The following ERBB2 variants were observed in gnomAD, a reference collection of about 807,000 sequenced individuals.
ERBB2 encodes receptor tyrosine-protein kinase erbB-2.
ERBB2 carries 61 observed loss-of-function variants against 149.0 expected under a neutral mutation model. The observed-to-expected ratio is 0.41, with a 90% CI of 0.33 to 0.51. ERBB2 has a LOEUF of 0.51. ERBB2 is among the 20% of genes least tolerant of loss of function. The pLI is 0.25. For synonymous variants in ERBB2, 633 were observed against 678.8 expected, an observed-to-expected ratio of 0.93 and a Z score of 1.05; for missense variants, 1,205 against 1,655.1, an observed-to-expected ratio of 0.73 and a Z score of 4.72.
At chr17:39,716,805 G>C (rs754180208) in intron 14 of ERBB2, among the ~76,000 whole-genome samples, 200 bp downstream of exon 14, 13 of 152,152 alleles carry the variant, frequency 8.5e-5, no homozygotes, top group Non-Finnish European at 1.5e-4. Context: ...ACTATGAAAA[G>C]GTTCTAAGGA....
upstream of ERBB2, among the ~76,000 whole-genome samples, chr17:39,695,859 G>A (rs1047509549): frequency 3.3e-5 from 5 of 152,038 alleles, no homozygotes; most frequent in African/African-American, 1.2e-4. Context: ...GGTCACCCTC[G>A]GAAGCTAGAG....
At chr17:39,707,371 T>A (rs1173957442) in intron 2 of ERBB2, 8 of 418,374 alleles carry the variant, frequency 1.9e-5, no homozygotes, top group Middle Eastern at 6.2e-4. Flanking sequence ...GATGCGTCTG[T>A]GTTTCCGCTA....
chr17:39,725,498 A>G lies in ERBB2; in HGVS notation c.2725+96A>G. On this transcript the variant is annotated intron_variant, in intron 22 of 26. Transcript: ENST00000269571. This position sits in a 1 kb window ranked among gnomAD's most constrained non-coding sequence, Gnocchi z 4.6. ...GGGAGAATTACGGGGCCACCTCAGC[A>G]TGTGAAGGGAGGGAAGGGGCTGCCT... The G allele has an allele frequency of 2.2e-6, 3 of 1,363,848 alleles. No individual in the cohort carries two copies. Among genetic ancestry groups the G allele is most frequent in the Non-Finnish European group, 3.1e-6 (3 of 966,686 alleles). 84.5% of individuals were successfully genotyped at this position (1,363,848 alleles called of 1,614,324 possible). A position where few individuals can be genotyped will look rare whatever the true frequency, so the allele number is the denominator to read the frequency against.
chr17:39,727,838 G>C lies in ERBB2; in HGVS notation c.3562G>C (p.Gly1188Arg). ...GGTCGTCAAAGACGTTTTTGCCTTTGGGGGTGCCGTGGAGAACCCCGAGTA... is the reference window on the plus strand; with the variant it reads ...GGTCGTCAAAGACGTTTTTGCCTTTCGGGGTGCCGTGGAGAACCCCGAGTA... ...NGVVKDVFAF[G>R]GAVENPEYLT... is the part of the protein sequence containing the mutation. Residue 1188 changes from glycine to arginine, a missense_variant, in exon 27 of 27, where the codon GGG becomes CGG. Around this residue, in one of 6 missense-constraint regions of ERBB2, gnomAD observed 312 missense variants for 343.8 expected, o/e 0.91. Coordinates refer to ENST00000269571, the MANE Select transcript of ERBB2 (RefSeq NM_004448.4). The surrounding 1 kb of genome is among the most constrained non-coding windows in gnomAD (Gnocchi z 4.3). 5.0e-6 allele frequency: 8 copies of C among 1,613,868 alleles called. No individual in the cohort carries two copies. Among genetic ancestry groups the C allele is most frequent in the Non-Finnish European group, 6.8e-6 (8 of 1,179,880 alleles).
At position 39,710,413 on chromosome 17, in the gene ERBB2, C is replaced by A. The variant is rs757811990; in HGVS notation, c.833C>A (p.Thr278Lys). The A allele has an allele frequency of 9.3e-6, 15 of 1,614,024 alleles. No individual in the cohort carries two copies. The highest frequency in any genetic ancestry group is 1.3e-5 in the Non-Finnish European group (15 of 1,180,054). ...CPALVTYNTD[T>K]FESMPNPEGR... ...GCCCTGGTCACCTACAACACAGACA[C>A]GTTTGAGTCCATGCCCAATCCCGAG... is the stretch of plus-strand genomic sequence containing the variant. Residue 278 changes from threonine (T) to lysine (K), a missense_variant, in exon 7 of 27, where the codon ACG becomes AAG. This residue lies in a region of ERBB2 where 569 missense variants were observed against 803.5 expected (regional missense o/e 0.71). Transcript: ENST00000269571.
At chr17:39,722,064 A>G (rs2059483138) in intron 16 of ERBB2, among the ~76,000 whole-genome samples, 1 of 152,066 alleles carries the variant, frequency 6.6e-6, no homozygotes, top group South Asian at 2.1e-4. Flanking sequence ...GATTACAGGC[A>G]GGCACCACCA....
In ERBB2 at chr17:39,725,660, TAA is replaced by T. The variant is rs1167457269; in HGVS notation, c.2726-45_2726-44del. 6.4e-7 allele frequency: 1 copy of T among 1,570,762 alleles called. No individual in the cohort carries two copies. Among genetic ancestry groups the T allele is most frequent in the Admixed American group, 1.9e-5 (1 of 52,160 alleles). ...GAGCAGAACCTCTGGCTCAGTACAC[TAA>T]AGCTCCCTCTGGCCCTCCCACTCCT... On this transcript the variant is annotated intron_variant, in intron 22 of 26. Coordinates refer to ENST00000269571, the MANE Select transcript of ERBB2 (RefSeq NM_004448.4). The surrounding 1 kb of genome is among the most constrained non-coding windows in gnomAD (Gnocchi z 4.6).
chr17:39,691,866 G>GATAGATATAGAT (rs1257738808), upstream of ERBB2, among the ~76,000 whole-genome samples: 1,855 of 128,792 alleles, frequency 0.014, 49 homozygotes, highest in African/African-American at 0.035. Context: ...AAACCTTCAT[G>GATAGATATAGAT]ATAGATATAG....
chr17:39,688,106 A>C (rs541182612), upstream of ERBB2: 40 of 1,160,732 alleles, frequency 3.4e-5, no homozygotes, highest in East Asian at 1.0e-3. Context: ...TCTTTATTCT[A>C]CTCTCCGCTG....
Position 39,716,506 on chromosome 17 carries a change from T to C in ERBB2, c.1647-9T>C. The stretch of plus-strand genomic sequence containing the variant: ...TCTCAGACCCCCTCACCACTGTCCC[T>C]TCTCTCAGGCTCCCCAGGGAGTATG... On this transcript the variant is annotated splice_polypyrimidine_tract_variant and intron_variant, in intron 13 of 26. Transcript: ENST00000269571. The C allele has an allele frequency of 6.2e-7, 1 of 1,614,124 alleles. No individual in the cohort carries two copies. Among genetic ancestry groups the C allele is most frequent in the Non-Finnish European group, 8.5e-7 (1 of 1,179,994 alleles).
At chr17:39,699,512 AC>A, upstream of ERBB2, 2 of 1,518,208 alleles carry the variant, frequency 1.3e-6, no homozygotes, top group African/African-American at 2.8e-5. Context: ...AAATTTGTAG[AC>A]CCTCTTAAGA....
At chr17:39,709,168 C>CAA (rs1175673859) in intron 3 of ERBB2, 150 bp from the exon 4 acceptor site, 2 of 880,336 alleles carry the variant, frequency 2.3e-6, no homozygotes, top group Non-Finnish European at 1.8e-6. Context: ...TGGTGGGACT[C>CAA]AAAGACGGTA....
upstream of ERBB2, among the ~76,000 whole-genome samples, chr17:39,691,598 CACAT>C (rs1200384186): frequency 1.1e-4 from 16 of 144,538 alleles, no homozygotes; most frequent in African/African-American, 4.0e-4. Flanking sequence ...CACACACACA[CACAT>C]ACCCTCTAAC....
intron 9 of ERBB2, among the ~76,000 whole-genome samples, chr17:39,715,043 C>T (rs1195244012): frequency 6.6e-6 from 1 of 152,212 alleles, no homozygotes; most frequent in Non-Finnish European, 1.5e-5. Flanking sequence ...GCTGGGATTA[C>T]AGGCGTGAGC....
At chr17:39,702,129 C>G (rs1414326302) in intron 1 of ERBB2, among the ~76,000 whole-genome samples, 1 of 152,186 alleles carries the variant, frequency 6.6e-6, no homozygotes, top group Non-Finnish European at 1.5e-5. Context: ...CAAGGCAAAA[C>G]TCTGTACAAA....
In ERBB2 at chr17:39,712,413, T is replaced by C. The variant is rs149567593; in HGVS notation, c.1113T>C (p.Phe371=). ...IQEFAGCKKI[F]GSLAFLPESF... ...AGTTTGCTGGCTGCAAGAAGATCTT[T>C]GGGAGCCTGGCATTTCTGCCGGAGA... The change falls in exon 9 of 27, where the codon TTT becomes TTC. Residue 371 remains phenylalanine (F), a synonymous_variant. Transcript: ENST00000269571. The C allele has an allele frequency of 3.2e-4, 516 of 1,613,988 alleles. 1 individual carries two copies. The highest frequency in any genetic ancestry group is 2.3e-5 in the Non-Finnish European group (27 of 1,179,980).
At chr17:39,719,926 C>A in intron 16 of ERBB2, 92 bp downstream of exon 16, 1 of 1,190,974 alleles carries the variant, frequency 8.4e-7, no homozygotes, top group Non-Finnish European at 1.3e-6. Flanking sequence ...GACCCCCTGA[C>A]ATATGTCCCT....
chr17:39,711,877 G>A (rs763519406), intron 7 of ERBB2, 51 bp from the exon 8 acceptor site: 1 of 1,611,756 alleles, frequency 6.2e-7, no homozygotes, highest in Non-Finnish European at 8.5e-7. Context: ...GCTGCTCATG[G>A]TGGTGCACGA....
chr17:39,721,923 T>A (rs191544616), intron 16 of ERBB2, among the ~76,000 whole-genome samples: 4 of 152,168 alleles, frequency 2.6e-5, no homozygotes, highest in Middle Eastern at 3.4e-3. Flanking sequence ...TTTATTTATT[T>A]ATTATTTATT....
Sources: allele counts gnomAD v4.1 joint callset (sites outside exome capture counted in the v4.1 genomes callset), GRCh38; gene constraint gnomAD v4.1.1; regional missense constraint gnomAD v4.1.1; non-coding constraint Gnocchi (gnomAD v3.1); transcripts MANE v1.5; gene names NCBI Gene and HGNC (gene_info 2026-07-23, HGNC 2026-07-21).